The following NLGN1 variants were observed in gnomAD, a reference collection of about 807,000 sequenced individuals.
The protein encoded by NLGN1 is neuroligin-1.
NLGN1 carries 12 observed loss-of-function variants against 65.5 expected under a neutral mutation model. The ratio of observed to expected loss-of-function variants is 0.18; its 90% CI spans 0.12 to 0.30. The LOEUF (loss-of-function observed/expected upper bound fraction) is 0.30. Among genes scored for constraint, NLGN1 ranks in the 10% least tolerant of loss-of-function variants. NLGN1 has a pLI of 1.00. For missense variants in NLGN1, 750 were observed against 1,007.1 expected (o/e 0.74, Z 3.46); for synonymous variants, 350 against 359.5 (o/e 0.97, Z 0.30).
At chr3:173,859,340 T>A (rs1445094033) in intron 4 of NLGN1, among the ~76,000 whole-genome samples, 1 of 152,126 alleles carries the variant, frequency 6.6e-6, no homozygotes, top group Non-Finnish European at 1.5e-5. Context: ...GGAGTTTGCA[T>A]TTGGGCCACC....
At chr3:174,235,179 C>T (rs761872305) in intron 4 of NLGN1, among the ~76,000 whole-genome samples, 1 of 151,664 alleles carries the variant, frequency 6.6e-6, no homozygotes, top group Non-Finnish European at 1.5e-5. Context: ...TTGTCTCTTC[C>T]AAATTTATTT....
intron 4 of NLGN1, among the ~76,000 whole-genome samples, chr3:173,967,200 G>A (rs4894640): frequency 0.34 from 51,303 of 151,928 alleles, 9,431 homozygotes; most frequent in African/African-American, 0.48. Flanking sequence ...TAAGCACAGT[G>A]GGCAAAAGAA....
At chr3:174,192,237 A>AT (rs1732537261) in intron 4 of NLGN1, among the ~76,000 whole-genome samples, 1 of 152,164 alleles carries the variant, frequency 6.6e-6, no homozygotes, top group African/African-American at 2.4e-5. Context: ...CATTAGAGAA[A>AT]TTTTAACTTA....
chr3:173,958,838 C>A (rs896370924), intron 4 of NLGN1, among the ~76,000 whole-genome samples: 2 of 152,212 alleles, frequency 1.3e-5, no homozygotes, highest in African/African-American at 4.8e-5. Flanking sequence ...ACCCCCTTGG[C>A]CTCTCTCCCA....
chr3:173,682,717 C>A (rs2149790485), intron 3 of NLGN1, among the ~76,000 whole-genome samples: 1 of 151,830 alleles, frequency 6.6e-6, no homozygotes, highest in South Asian at 2.1e-4. Flanking sequence ...GCAATCAGAC[C>A]TTGGCGATGA....
chr3:173,728,040 T>C (rs1156555113), intron 3 of NLGN1, among the ~76,000 whole-genome samples: 1 of 152,046 alleles, frequency 6.6e-6, no homozygotes, highest in Non-Finnish European at 1.5e-5. Context: ...TGAACTGATA[T>C]GAAAAAAATA....
chr3:173,610,640 A>G (rs184449913), intron 3 of NLGN1, among the ~76,000 whole-genome samples: 42 of 152,108 alleles, frequency 2.8e-4, no homozygotes, highest in Non-Finnish European at 5.3e-4. Context: ...AGAATTATGT[A>G]TGAGGTGGTA....
chr3:173,728,863 C>A (rs1772303094), intron 3 of NLGN1, among the ~76,000 whole-genome samples: 1 of 152,034 alleles, frequency 6.6e-6, no homozygotes, highest in Non-Finnish European at 1.5e-5. Flanking sequence ...TTTCAGACTT[C>A]AAGCATCCAG....
At chr3:173,949,810 A>G (rs1747862080) in intron 4 of NLGN1, among the ~76,000 whole-genome samples, 1 of 152,176 alleles carries the variant, frequency 6.6e-6, no homozygotes, top group South Asian at 2.1e-4. Flanking sequence ...CAGAGGAGGA[A>G]ATCATTATGT....
chr3:173,779,600 T>C (rs186466087), intron 3 of NLGN1, among the ~76,000 whole-genome samples: 23 of 152,188 alleles, frequency 1.5e-4, no homozygotes, highest in African/African-American at 4.1e-4. Flanking sequence ...TTAAAGTCTG[T>C]TGGAGAAATT....
intron 3 of NLGN1, among the ~76,000 whole-genome samples, chr3:173,783,718 G>A (rs568080514): frequency 6.6e-6 from 1 of 152,128 alleles, no homozygotes. Flanking sequence ...GGGATTCAGC[G>A]ATTCTCCAGC....
chr3:173,955,596 G>A (rs1162729386), intron 4 of NLGN1, among the ~76,000 whole-genome samples: 1 of 152,136 alleles, frequency 6.6e-6, no homozygotes, highest in African/African-American at 2.4e-5. Flanking sequence ...ACTATAGATA[G>A]GTGTGACATT....
chr3:174,044,511 CA>C (rs1733085116), intron 4 of NLGN1, among the ~76,000 whole-genome samples: 1 of 152,116 alleles, frequency 6.6e-6, no homozygotes, highest in South Asian at 2.1e-4. Flanking sequence ...AAAATGCCAC[CA>C]GTCTCTTTGC....
intron 2 of NLGN1, among the ~76,000 whole-genome samples, chr3:173,496,416 A>G (rs1314711738): frequency 6.6e-6 from 1 of 151,960 alleles, no homozygotes; most frequent in Admixed American, 6.5e-5. Flanking sequence ...ATTAAAATTT[A>G]TATTTATCAA....
intron 3 of NLGN1, among the ~76,000 whole-genome samples, chr3:173,801,624 T>C (rs2150412456): frequency 6.6e-6 from 1 of 152,142 alleles, no homozygotes; most frequent in South Asian, 2.1e-4. Context: ...AAAAATTATA[T>C]TTGGTGTTAA....
intron 3 of NLGN1, among the ~76,000 whole-genome samples, chr3:173,669,418 C>T (rs960779433): frequency 7.9e-5 from 12 of 152,138 alleles, no homozygotes; most frequent in African/African-American, 1.2e-4. Flanking sequence ...GATCTGTTCC[C>T]GTCTCTCCGC....
At chr3:174,031,683 T>G (rs1244255816) in intron 4 of NLGN1, among the ~76,000 whole-genome samples, 2 of 151,980 alleles carry the variant, frequency 1.3e-5, no homozygotes, top group African/African-American at 4.8e-5. Context: ...AATATAGAGT[T>G]CAAGAAATAT....
intron 4 of NLGN1, chr3:173,910,399 A>G (rs1375336690): frequency 6.6e-6 from 1 of 152,208 alleles, no homozygotes; most frequent in African/African-American, 2.4e-5. Flanking sequence ...CAGACTGGAT[A>G]TCAGTGTTCA....
intron 4 of NLGN1, among the ~76,000 whole-genome samples, chr3:174,207,543 A>G (rs1735659833): frequency 6.6e-6 from 1 of 152,246 alleles, no homozygotes; most frequent in African/African-American, 2.4e-5. Flanking sequence ...TGTGAACTGA[A>G]TGGACTTTAT....
Sources: gnomAD v4.1 joint callset for allele counts (sites outside exome capture counted in the v4.1 genomes callset) on GRCh38, gnomAD v4.1.1 for gene constraint, MANE v1.5 for transcripts, NCBI Gene and HGNC (gene_info 2026-07-23, HGNC 2026-07-21) for gene names.